Variants in C1orf94 observed in about 807,000 individuals in gnomAD.
C1orf94 encodes the protein chromosome 1 open reading frame 94, also known as uncharacterized protein C1orf94.
In C1orf94, 45 loss-of-function variants were observed where a neutral mutation model predicts 53.6. The observed-to-expected ratio is 0.84, with a 90% confidence interval of 0.66 to 1.08. C1orf94 has a LOEUF of 1.08. Among genes scored for constraint, C1orf94 ranks in the 50% least tolerant of loss-of-function variants. The pLI, the probability that C1orf94 is intolerant of heterozygous loss-of-function variation, is 0.00. For synonymous variants in C1orf94, 304 were observed against 296.1 expected (o/e 1.03, Z -0.27); for missense variants, 762 against 738.9 (o/e 1.03, Z -0.36).
chr1:34,203,857 T>C (rs1339835716), intron 4 of C1orf94, among the ~76,000 whole-genome samples: 1 of 152,224 alleles, frequency 6.6e-6, no homozygotes, highest in Non-Finnish European at 1.5e-5. Flanking sequence ...AAATGTCCAC[T>C]CTGGTTTAAG....
intron 2 of C1orf94, among the ~76,000 whole-genome samples, chr1:34,200,184 A>G (rs1002352561): frequency 6.6e-6 from 1 of 152,328 alleles, no homozygotes; most frequent in East Asian, 1.9e-4. Flanking sequence ...CCAGAATGAG[A>G]GACCAAAGTG....
upstream of C1orf94, among the ~76,000 whole-genome samples, chr1:34,175,810 G>A (rs760579189): frequency 1.1e-4 from 16 of 151,930 alleles, no homozygotes; most frequent in Admixed American, 6.6e-4. Context: ...CAAAGAAGTC[G>A]GCCTGGACCA....
intron 1 of C1orf94, among the ~76,000 whole-genome samples, chr1:34,196,689 G>A (rs182129832): frequency 6.6e-6 from 1 of 152,280 alleles, no homozygotes; most frequent in Non-Finnish European, 1.5e-5. Context: ...GGGTCACACC[G>A]ATGGGAGTTG....
chr1:34,214,173 G>T (rs1642945335), intron 6 of C1orf94, among the ~76,000 whole-genome samples: 1 of 152,198 alleles, frequency 6.6e-6, no homozygotes. Flanking sequence ...CAGCGGGGGA[G>T]GTTCCAGTGA....
At chr1:34,199,269 G>T (rs1261193240) in intron 2 of C1orf94, among the ~76,000 whole-genome samples, 2 of 152,218 alleles carry the variant, frequency 1.3e-5, no homozygotes, top group Non-Finnish European at 2.9e-5. Flanking sequence ...TAAGGCATCT[G>T]TAAATATGAG....
upstream of C1orf94, among the ~76,000 whole-genome samples, chr1:34,175,966 G>T (rs1642218550): frequency 6.6e-6 from 1 of 152,020 alleles, no homozygotes; most frequent in African/African-American, 2.4e-5. Context: ...TTCCATCAGA[G>T]TCCCATTGCA....
At position 34,197,071 on chromosome 1, in the gene C1orf94, G is replaced by T. The variant is rs67117400; in HGVS notation, c.321-154G>T. 2.0e-5 allele frequency among the ~76,000 whole-genome samples: 3 copies of T among 152,134 alleles called. No homozygotes were observed. Among genetic ancestry groups the T allele is most frequent in the East Asian group, 3.9e-4 (2 of 5,186 alleles). ...CTACCGCTGTGGTATAGGACCCTCTGGGGGTCCAGTGTGTCTGCTGGGTTA... is the reference window on the plus strand; with the variant it reads ...CTACCGCTGTGGTATAGGACCCTCTTGGGGTCCAGTGTGTCTGCTGGGTTA... On this transcript the variant is annotated intron_variant, in intron 1 of 6. Transcript: ENST00000488417. This position sits in a 1 kb window ranked among gnomAD's most constrained non-coding sequence, Gnocchi z 4.1.
In C1orf94 at chr1:34,177,639, T is replaced by G; in HGVS notation, c.-151T>G. 3.1e-6 allele frequency: 2 copies of G among 634,978 alleles called. 1 individual carries two copies. The highest frequency in any genetic ancestry group is 5.2e-5 in the South Asian group (2 of 38,546). The allele number at this position is 634,978 out of a possible 1,614,324, so 39.3% of individuals were successfully genotyped here. A position where few individuals can be genotyped will look rare whatever the true frequency, so the allele number is the denominator to read the frequency against. On this transcript the variant is annotated 5_prime_UTR_variant, in exon 1 of 7. Transcript: ENST00000488417. ...AAGAGCAAATAAAAACAAATCAAAA[T>G]AAGCCCTCCCCTCCCCAAAAGAAAG...
intron 1 of C1orf94, among the ~76,000 whole-genome samples, chr1:34,191,382 G>C (rs1338864420): frequency 1.3e-5 from 2 of 152,096 alleles, no homozygotes; most frequent in East Asian, 3.9e-4. Context: ...GACATATTAG[G>C]TAGCTTCCTT....
chr1:34,201,047 C>A lies in C1orf94; in HGVS notation c.1270+15C>A. ...GGAGCTGAAATGTGAGCTGACCTAC[C>A]CAGGGAGGGATTGGAGGGGAGGGGG... On this transcript the variant is annotated intron_variant, in intron 3 of 6. Coordinates refer to ENST00000488417, the MANE Select transcript of C1orf94 (RefSeq NM_001134734.2). The A allele has an allele frequency of 1.3e-6, 2 of 1,569,706 alleles. No individual in the cohort carries two copies. Among genetic ancestry groups the A allele is most frequent in the Non-Finnish European group, 1.7e-6 (2 of 1,156,616 alleles).
intron 1 of C1orf94, among the ~76,000 whole-genome samples, chr1:34,171,721 T>C (rs1642148336): frequency 6.6e-6 from 1 of 152,224 alleles, no homozygotes; most frequent in South Asian, 2.1e-4. Context: ...CAAGGACTCA[T>C]GATAAATTCA....
rs548590451 is a variant in C1orf94 at position 34,168,652 on chromosome 1, G to A, written c.-251+1481G>A. Among the ~76,000 whole-genome samples the A allele has an allele frequency of 1.3e-4, 20 of 152,306 alleles. 1 individual carries two copies. The South Asian group carries it at 3.9e-3, about 30-fold the overall frequency. On this transcript the variant is annotated intron_variant, in intron 1 of 6. Transcript: ENST00000373374. ...CAAGATCAAGAGGTCGACACAGTTG[G>A]TTCCCTCTGAGGCTTCTCTCTCTGG...
At chr1:34,218,103 C>T (rs925890097) in intron 6 of C1orf94, among the ~76,000 whole-genome samples, 4 of 152,094 alleles carry the variant, frequency 2.6e-5, no homozygotes, top group Non-Finnish European at 4.4e-5. Context: ...GTGAGGCTCA[C>T]GTCTTAACCC....
chr1:34,194,474 C>G (rs1275312600), intron 1 of C1orf94, among the ~76,000 whole-genome samples: 1 of 151,960 alleles, frequency 6.6e-6, no homozygotes, highest in Non-Finnish European at 1.5e-5. Flanking sequence ...ATCTCAGGGC[C>G]CTGTGGGGCT....
chr1:34,210,450 C>T (rs368380739), intron 5 of C1orf94, among the ~76,000 whole-genome samples: 7 of 152,126 alleles, frequency 4.6e-5, no homozygotes, highest in African/African-American at 1.2e-4. Context: ...GTATAGGCTC[C>T]GGGCTTACCC....
At chr1:34,186,140 C>T (rs566663067) in intron 1 of C1orf94, among the ~76,000 whole-genome samples, 1 of 152,266 alleles carries the variant, frequency 6.6e-6, no homozygotes, top group South Asian at 2.1e-4. Context: ...CCACCTCTTT[C>T]CTAAGTGTTT....
Position 34,177,696 on chromosome 1 carries a change from G to T in C1orf94, c.-94G>T. 2.2e-5 allele frequency: 24 copies of T among 1,082,074 alleles called. No individual in the cohort carries two copies. The highest frequency in any genetic ancestry group is 2.8e-4 in the Middle Eastern group (1 of 3,518). The allele number at this position is 1,082,074 out of a possible 1,614,324, so 67.0% of individuals were successfully genotyped here. A position where few individuals can be genotyped will look rare whatever the true frequency, so the allele number is the denominator to read the frequency against. ...TCCACCCACCCCTCCCACACAAATA[G>T]AAGGCCTCTGAACCTAACCACCTTG... is the stretch of plus-strand genomic sequence containing the variant. On this transcript the variant is annotated 5_prime_UTR_variant, in exon 1 of 7. The change abolishes the stop of an existing upstream ORF in the 5' untranslated region. Coordinates refer to ENST00000488417, the MANE Select transcript of C1orf94 (RefSeq NM_001134734.2).
At position 34,219,069 on chromosome 1, in the gene C1orf94, A is replaced by G. The variant is rs1571354747; in HGVS notation, c.*308A>G. ...TTGTTTTTGTTTTTGTTGGTAAAATAGAAGTAAGACACTTAATTTTAGAAA... is the reference window on the plus strand; with the variant it reads ...TTGTTTTTGTTTTTGTTGGTAAAATGGAAGTAAGACACTTAATTTTAGAAA... On this transcript the variant is annotated 3_prime_UTR_variant, in exon 7 of 7. Transcript: ENST00000488417. 4.7e-6 allele frequency: 1 copy of G among 210,958 alleles called. No homozygotes were observed. Among genetic ancestry groups the G allele is most frequent in the East Asian group, 9.7e-5 (1 of 10,266 alleles). The allele number at this position is 210,958 out of a possible 1,614,324, so 13.1% of individuals were successfully genotyped here. A position where few individuals can be genotyped will look rare whatever the true frequency, so the allele number is the denominator to read the frequency against.
rs1166323890 is a variant in C1orf94, at chr1:34,177,294, C to A, written c.-496C>A. ...GAGGGGCTCCCTGGGAACGCCCAGG[C>A]GAGCGCCTCCTGCGGGGCCCCGCCC... On this transcript the variant is annotated 5_prime_UTR_variant, in exon 1 of 7. Transcript: ENST00000488417. 6.6e-6 allele frequency among the ~76,000 whole-genome samples: 1 copy of A among 152,194 alleles called. No homozygotes were observed. Among genetic ancestry groups the A allele is most frequent in the African/African-American group, 2.4e-5 (1 of 41,460 alleles).
Sources: allele counts gnomAD v4.1 joint callset (sites outside exome capture counted in the v4.1 genomes callset), GRCh38; gene constraint gnomAD v4.1.1; non-coding constraint Gnocchi (gnomAD v3.1); transcripts MANE v1.5; gene names NCBI Gene and HGNC (gene_info 2026-07-23, HGNC 2026-07-21).